The following DLG2 variants were observed in gnomAD, a reference collection of about 807,000 sequenced individuals.
DLG2 encodes discs large MAGUK scaffold protein 2, also known as disks large homolog 2.
DLG2 carries 45 observed loss-of-function variants against 132.5 expected under a neutral mutation model. The observed-to-expected ratio is 0.34, with a 90% CI of 0.27 to 0.44. The LOEUF is 0.44. DLG2 is among the 20% of genes least tolerant of loss of function. The pLI is 1.00. For synonymous variants in DLG2, 424 were observed against 419.6 expected (o/e 1.01, Z -0.13); for missense variants, 1,045 against 1,196.9 (o/e 0.87, Z 1.87).
chr11:84,091,392 C>T lies in DLG2; in HGVS notation c.749+7531G>A, dbSNP rs148448113. 7.1e-3 allele frequency among the ~76,000 whole-genome samples: 1,074 copies of T among 152,258 alleles called. 42 individuals carry two copies. The highest frequency in any genetic ancestry group is 1.2e-3 in the Non-Finnish European group (85 of 68,030). ...AGGTCTCAGTCTCCATCTCTGCTGT[C>T]CCTCCACCCGAGGGACTAGATTCCT... is the stretch of plus-strand genomic sequence containing the variant. On this transcript the variant is annotated intron_variant, in intron 10 of 27. Transcript: ENST00000376104.
chr11:84,731,642 G>C (rs1439050619), intron 6 of DLG2, among the ~76,000 whole-genome samples: 2 of 151,904 alleles, frequency 1.3e-5, no homozygotes, highest in Non-Finnish European at 2.9e-5. Flanking sequence ...AGAAAATAAG[G>C]GGAAATATCA....
At chr11:85,110,901 A>C (rs929068971) in intron 6 of DLG2, among the ~76,000 whole-genome samples, 33 of 152,100 alleles carry the variant, frequency 2.2e-4, no homozygotes, top group Admixed American at 1.3e-4. Flanking sequence ...TCATACACAA[A>C]TTATTTCATG....
intron 7 of DLG2, among the ~76,000 whole-genome samples, chr11:84,380,208 T>A (rs1261683326): frequency 1.3e-5 from 2 of 151,978 alleles, no homozygotes; most frequent in African/African-American, 4.8e-5. Flanking sequence ...AGAGGAAAGG[T>A]TGGAGATACT....
intron 6 of DLG2, among the ~76,000 whole-genome samples, chr11:84,596,379 C>CTTTTT (rs1211350827): frequency 8.2e-6 from 1 of 121,772 alleles, no homozygotes; most frequent in Non-Finnish European, 1.8e-5. Flanking sequence ...AGATAATTTT[C>CTTTTT]TTTTTTTTTT....
intron 7 of DLG2, among the ~76,000 whole-genome samples, chr11:84,448,204 G>A (rs1463454921): frequency 6.6e-6 from 1 of 151,950 alleles, no homozygotes; most frequent in African/African-American, 2.4e-5. Context: ...CAGTTAGCCT[G>A]GTATTCTAGC....
intron 17 of DLG2, among the ~76,000 whole-genome samples, chr11:83,825,633 C>T (rs954417118): frequency 2.6e-5 from 4 of 152,090 alleles, no homozygotes; most frequent in Non-Finnish European, 4.4e-5. Flanking sequence ...AGTTCCTTTT[C>T]GAGGAAATTC....
At chr11:83,531,410 C>T (rs986702208) in intron 21 of DLG2, among the ~76,000 whole-genome samples, 2 of 151,924 alleles carry the variant, frequency 1.3e-5, no homozygotes, top group African/African-American at 2.4e-5. Context: ...AAAATATGCT[C>T]AATATCAACA....
At chr11:84,485,103 A>G (rs1172617458) in intron 7 of DLG2, among the ~76,000 whole-genome samples, 3 of 152,262 alleles carry the variant, frequency 2.0e-5, no homozygotes, top group East Asian at 1.9e-4. Flanking sequence ...CAGAATTTCA[A>G]TTCAGGTATT....
At chr11:84,772,313 T>G (rs1352105859) in intron 6 of DLG2, among the ~76,000 whole-genome samples, 4 of 152,156 alleles carry the variant, frequency 2.6e-5, no homozygotes, top group Non-Finnish European at 4.4e-5. Context: ...CTTCTAGACC[T>G]GTGAAAATAC....
At chr11:83,506,932 G>A (rs2094733312) in intron 21 of DLG2, among the ~76,000 whole-genome samples, 1 of 152,096 alleles carries the variant, frequency 6.6e-6, no homozygotes, top group African/African-American at 2.4e-5. Flanking sequence ...CTTTCACATA[G>A]GAGATGAGAC....
At chr11:85,216,478 T>C (rs959088351) in intron 4 of DLG2, among the ~76,000 whole-genome samples, 1 of 152,218 alleles carries the variant, frequency 6.6e-6, no homozygotes, top group Admixed American at 6.5e-5. Context: ...CAAGCATTTT[T>C]GCACCAGGTT....
chr11:83,846,898 C>G (rs923741042), intron 16 of DLG2, among the ~76,000 whole-genome samples: 1 of 141,504 alleles, frequency 7.1e-6, no homozygotes, highest in African/African-American at 2.7e-5. Flanking sequence ...CACATACGTT[C>G]TCACTTTTCA....
chr11:85,096,419 C>CGGGAGGAACAAACAA (rs2069787416), intron 6 of DLG2, among the ~76,000 whole-genome samples: 3 of 151,766 alleles, frequency 2.0e-5, no homozygotes, highest in Non-Finnish European at 4.4e-5. Flanking sequence ...CCAGACGCGC[C>CGGGAGGAACAAACAA]ACCTTTAAGA....
chr11:83,463,121 A>G (rs2090345911), intron 26 of DLG2, among the ~76,000 whole-genome samples: 1 of 152,210 alleles, frequency 6.6e-6, no homozygotes, highest in Admixed American at 6.5e-5. Context: ...AGAGGCAAGA[A>G]GGGATGTGCT....
chr11:84,058,506 C>CAATAATAATAATAAT (rs900276483), intron 11 of DLG2, among the ~76,000 whole-genome samples: 2 of 128,160 alleles, frequency 1.6e-5, no homozygotes, highest in African/African-American at 7.2e-5. Flanking sequence ...AAAACAAATA[C>CAATAATAATAATAAT]AATAATAATA....
chr11:85,188,632 T>G (rs1199838343), intron 4 of DLG2, among the ~76,000 whole-genome samples: 1 of 152,188 alleles, frequency 6.6e-6, no homozygotes, highest in Non-Finnish European at 1.5e-5. Context: ...CTATAATGAC[T>G]CAACTAACAG....
At chr11:84,206,234 G>A (rs567760229) in intron 8 of DLG2, among the ~76,000 whole-genome samples, 1 of 152,106 alleles carries the variant, frequency 6.6e-6, no homozygotes, top group South Asian at 2.1e-4. Context: ...TGCATCTGTT[G>A]AAAACATTGA....
intron 4 of DLG2, among the ~76,000 whole-genome samples, chr11:85,252,614 A>G (rs2076455430): frequency 6.6e-6 from 1 of 152,106 alleles, no homozygotes; most frequent in Non-Finnish European, 1.5e-5. Context: ...AAAAGTTAGG[A>G]ATGGACAATA....
chr11:83,720,772 G>C (rs1279350559), intron 18 of DLG2: 1 of 138,024 alleles, frequency 7.2e-6, no homozygotes, highest in Non-Finnish European at 1.5e-5. Flanking sequence ...TTACCAGAGA[G>C]TAGGGCCAGG....
Sources: allele counts gnomAD v4.1 joint callset (sites outside exome capture counted in the v4.1 genomes callset), GRCh38; gene constraint gnomAD v4.1.1; transcripts MANE v1.5; gene names NCBI Gene and HGNC (gene_info 2026-07-23, HGNC 2026-07-21).